The following DNAI4 variants were observed in gnomAD, a reference collection of about 807,000 sequenced individuals.
DNAI4 encodes dynein axonemal intermediate chain 4.
Under a neutral mutation model 105.8 loss-of-function variants are expected in DNAI4, and 85 were observed. That is an observed-to-expected ratio of 0.80 (90% CI 0.67 to 0.96). The LOEUF is 0.96. Among genes scored for constraint, DNAI4 ranks in the 40% least tolerant of loss-of-function variants. The pLI is 0.00. For synonymous variants in DNAI4, 352 were observed against 331.5 expected (o/e 1.06, Z -0.67); for missense variants, 1,014 against 1,005.6 (o/e 1.01, Z -0.11).
intron 2 of DNAI4, among the ~76,000 whole-genome samples, chr1:66,901,366 T>C (rs935605378): frequency 6.6e-6 from 1 of 152,192 alleles, no homozygotes; most frequent in Non-Finnish European, 1.5e-5. Context: ...GTGCTTTAGC[T>C]GTATCCCATA....
intron 6 of DNAI4, among the ~76,000 whole-genome samples, chr1:66,866,724 T>C (rs1421221953): frequency 1.3e-5 from 2 of 152,246 alleles, no homozygotes; most frequent in African/African-American, 4.8e-5. Flanking sequence ...ACCATCATAC[T>C]TGACATTTGG....
rs538543608 is a variant in DNAI4 at position 66,923,817 on chromosome 1, G to A, written c.170+845C>T. 2.1e-3 allele frequency among the ~76,000 whole-genome samples: 320 copies of A among 152,302 alleles called. 3 individuals are homozygous for A. Among genetic ancestry groups the A allele is most frequent in the Admixed American group, 5.6e-3 (85 of 15,304 alleles). On this transcript the variant is annotated intron_variant, in intron 1 of 16. Coordinates refer to ENST00000371026, the MANE Select transcript of DNAI4 (RefSeq NM_024763.5). ...AACAAATTACTTAGGGAATTTTGGGGGAACTTAGTGGGCAGCATTACGGGC... is the reference window on the plus strand; with the variant it reads ...AACAAATTACTTAGGGAATTTTGGGAGAACTTAGTGGGCAGCATTACGGGC...
chr1:66,840,551 T>A lies in DNAI4; in HGVS notation c.1412A>T (p.Asn471Ile). 6.2e-7 allele frequency: 1 copy of A among 1,614,236 alleles called. No homozygotes were observed. Reference sequence around the variant, plus strand: ...GGAAAAAGACCAAAGTCGTTCCAAGTTGGCGGGTATTGTTGATTCTTCTGC... The same window carrying A: ...GGAAAAAGACCAAAGTCGTTCCAAGATGGCGGGTATTGTTGATTCTTCTGC... The part of the protein sequence containing the change: ...IHAEESTIPA[N>I]LERLWSFSCD... The change falls in exon 9 of 17, where the codon AAC becomes ATC. Residue 471 changes from asparagine to isoleucine, a missense_variant. Coordinates refer to ENST00000371026, the MANE Select transcript of DNAI4 (RefSeq NM_024763.5).
intron 3 of DNAI4, among the ~76,000 whole-genome samples, 162 bp downstream of exon 3, chr1:66,893,067 A>G (rs12738212): frequency 1.4e-3 from 130 of 94,542 alleles, no homozygotes; most frequent in South Asian, 3.8e-3. Context: ...GAGAGAGAGA[A>G]AGAAAGAAAG....
At chr1:66,881,580 T>G (rs1647072255) in intron 4 of DNAI4, among the ~76,000 whole-genome samples, 1 of 152,232 alleles carries the variant, frequency 6.6e-6, no homozygotes, top group Non-Finnish European at 1.5e-5. Flanking sequence ...GGATCAACTG[T>G]ATTTACCCAA....
rs768486494 is a variant in DNAI4 at position 66,835,609 on chromosome 1, A to G, written c.1733+17T>C. On this transcript the variant is annotated intron_variant, in intron 11 of 16. Coordinates refer to ENST00000371026, the MANE Select transcript of DNAI4 (RefSeq NM_024763.5). Reference sequence around the variant, plus strand: ...AAAAGCATGTATTATACATTTATCTAATTCTCGGATTCTTACCTACTATCC... The same window carrying G: ...AAAAGCATGTATTATACATTTATCTGATTCTCGGATTCTTACCTACTATCC... 4 of 1,611,080 alleles carry G rather than the reference A, an allele frequency of 2.5e-6. No individual in the cohort carries two copies. The Admixed American group carries it at 6.7e-5, about 27-fold the overall frequency.
At chr1:66,828,300 A>G (rs1281283291) in intron 13 of DNAI4, 1 of 152,978 alleles carries the variant, frequency 6.5e-6, no homozygotes, top group East Asian at 1.9e-4. Context: ...AAAGACAGAT[A>G]TACACTTTCA....
chr1:66,851,884 A>G (rs1572650028), intron 7 of DNAI4, among the ~76,000 whole-genome samples: 1 of 151,942 alleles, frequency 6.6e-6, no homozygotes, highest in East Asian at 1.9e-4. Flanking sequence ...AAGAGAAAAA[A>G]GAGCAAAATA....
chr1:66,832,363 G>A (rs1180375271), intron 13 of DNAI4, among the ~76,000 whole-genome samples: 1 of 152,126 alleles, frequency 6.6e-6, no homozygotes, highest in African/African-American at 2.4e-5. Flanking sequence ...TGCATAATGA[G>A]GTAGATGATG....
chr1:66,897,263 T>C (rs1490862250), intron 2 of DNAI4, among the ~76,000 whole-genome samples: 2 of 152,158 alleles, frequency 1.3e-5, no homozygotes, highest in Admixed American at 6.5e-5. Context: ...AAAATAAATA[T>C]TAATATCTAA....
At position 66,887,924 on chromosome 1, in the gene DNAI4, A is replaced by C. The variant is rs188494921; in HGVS notation, c.643+3230T>G. 4.0e-3 allele frequency among the ~76,000 whole-genome samples: 610 copies of C among 152,086 alleles called. 8 individuals are homozygous for C. Among genetic ancestry groups the C allele is most frequent in the Non-Finnish European group, 5.2e-3 (353 of 67,990 alleles). On this transcript the variant is annotated intron_variant, in intron 4 of 16. Coordinates refer to ENST00000371026, the MANE Select transcript of DNAI4 (RefSeq NM_024763.5). ...TAGTGAGCCGAGATCGCACCACTGC[A>C]CTCCAGCCTGGGTGACAGAGCGAGA...
chr1:66,921,793 C>T (rs1462316035), intron 1 of DNAI4, among the ~76,000 whole-genome samples: 1 of 152,076 alleles, frequency 6.6e-6, no homozygotes, highest in Non-Finnish European at 1.5e-5. Flanking sequence ...TCAATCTAGG[C>T]AATGGATACA....
At chr1:66,919,480 A>G (rs1183972324) in intron 1 of DNAI4, among the ~76,000 whole-genome samples, 1 of 152,218 alleles carries the variant, frequency 6.6e-6, no homozygotes, top group East Asian at 1.9e-4. Flanking sequence ...CAGCAACTTA[A>G]AAGACAACTA....
chr1:66,822,001 G>T (rs1188396046), intron 16 of DNAI4, among the ~76,000 whole-genome samples: 3 of 152,000 alleles, frequency 2.0e-5, no homozygotes, highest in Admixed American at 6.6e-5. Context: ...TCTAAAAATA[G>T]AATTATTTTA....
intron 8 of DNAI4, among the ~76,000 whole-genome samples, chr1:66,841,351 G>T (rs545662386): frequency 1.3e-5 from 2 of 152,080 alleles, no homozygotes; most frequent in South Asian, 4.1e-4. Flanking sequence ...TTTACCAATA[G>T]ACATTGCTGG....
chr1:66,899,319 G>C (rs1022942002), intron 2 of DNAI4, among the ~76,000 whole-genome samples: 2 of 152,002 alleles, frequency 1.3e-5, no homozygotes, highest in African/African-American at 4.8e-5. Context: ...TTTCATTGTG[G>C]GCTTGATTTC....
chr1:66,893,007 GAGAGAGGAAA>G (rs1557964795), intron 3 of DNAI4, among the ~76,000 whole-genome samples: 5 of 104,812 alleles, frequency 4.8e-5, no homozygotes, highest in African/African-American at 2.0e-4. Flanking sequence ...GAGAGAAAGA[GAGAGAGGAAA>G]GAAAGAAAGA....
chr1:66,895,838 A>T (rs1177323163), intron 2 of DNAI4, among the ~76,000 whole-genome samples: 1 of 152,158 alleles, frequency 6.6e-6, no homozygotes, highest in Non-Finnish European at 1.5e-5. Flanking sequence ...TAATGTGGTA[A>T]ATTACACTAA....
Position 66,874,818 on chromosome 1 carries a change from T to C in DNAI4, c.763A>G (p.Met255Val), listed in dbSNP as rs200179462. Residue 255 changes from methionine to valine, a missense_variant, in exon 5 of 17, where the codon ATG becomes GTG. Coordinates refer to ENST00000371026, the MANE Select transcript of DNAI4 (RefSeq NM_024763.5). ...GCTTCTTCAGATTCTACAGAGACCA[T>C]GACTGTGGGCAAGTCAAAAAATCTC... The part of the protein sequence containing the change: ...TLRFFDLPTV[M>V]VSVESEEAEK... 3.0e-5 allele frequency: 49 copies of C among 1,613,774 alleles called. No individual in the cohort carries two copies. Among genetic ancestry groups the C allele is most frequent in the Non-Finnish European group, 4.1e-5 (48 of 1,179,802 alleles).
Sources: gnomAD v4.1 joint callset for allele counts (sites outside exome capture counted in the v4.1 genomes callset) on GRCh38, gnomAD v4.1.1 for gene constraint, MANE v1.5 for transcripts, NCBI Gene and HGNC (gene_info 2026-07-23, HGNC 2026-07-21) for gene names.